SPAG16: variants seen among roughly 807,000 people sequenced by gnomAD.
SPAG16 encodes sperm associated antigen 16.
A neutral mutation model predicts 80.4 loss-of-function variants in SPAG16; 86 were observed. The observed-to-expected ratio is 1.07, with a 90% confidence interval of 0.90 to 1.28. The LOEUF is 1.28. SPAG16 is among the 50% of genes most tolerant of loss of function. The pLI is 0.00. For synonymous variants in SPAG16, 294 were observed against 265.9 expected (o/e 1.11, Z -1.03); for missense variants, 870 against 765.3 (o/e 1.14, Z -1.61).
intron 11 of SPAG16, among the ~76,000 whole-genome samples, chr2:213,899,946 G>A (rs1009751460): frequency 1.3e-5 from 2 of 152,072 alleles, no homozygotes; most frequent in African/African-American, 4.8e-5. Context: ...TCCTTGTCTT[G>A]ATGCAGCTTT....
At chr2:213,348,096 A>T (rs942918831) in intron 6 of SPAG16, among the ~76,000 whole-genome samples, 2 of 152,162 alleles carry the variant, frequency 1.3e-5, no homozygotes, top group Non-Finnish European at 2.9e-5. Flanking sequence ...TATATTTAGG[A>T]TAGTTAGCTC....
At chr2:214,182,243 G>GTTATCAGT (rs1423212269) in intron 15 of SPAG16, among the ~76,000 whole-genome samples, 1 of 151,544 alleles carries the variant, frequency 6.6e-6, no homozygotes, top group Non-Finnish European at 1.5e-5. Context: ...AAGCTCTGTT[G>GTTATCAGT]TTATCAGTTT....
intron 9 of SPAG16, among the ~76,000 whole-genome samples, chr2:213,404,999 C>T (rs1392391964): frequency 2.0e-5 from 3 of 152,096 alleles, no homozygotes; most frequent in African/African-American, 7.2e-5. Context: ...GGCAACATAC[C>T]CCAACAGTAA....
intron 10 of SPAG16, among the ~76,000 whole-genome samples, chr2:213,690,090 G>T (rs779889886): frequency 6.6e-6 from 1 of 151,744 alleles, no homozygotes; most frequent in East Asian, 1.9e-4. Context: ...AAAATTCTTC[G>T]ATCACAGTAG....
At chr2:213,660,615 C>T (rs545730153) in intron 10 of SPAG16, among the ~76,000 whole-genome samples, 1 of 152,228 alleles carries the variant, frequency 6.6e-6, no homozygotes, top group South Asian at 2.1e-4. Context: ...AATCTAAGTC[C>T]AGGGCATAAA....
At chr2:213,852,977 A>G (rs2074980616) in intron 10 of SPAG16, among the ~76,000 whole-genome samples, 1 of 152,196 alleles carries the variant, frequency 6.6e-6, no homozygotes, top group South Asian at 2.1e-4. Flanking sequence ...CTTTTTATGT[A>G]TTTGTTCTGG....
At chr2:213,832,828 G>A (rs950922885) in intron 10 of SPAG16, among the ~76,000 whole-genome samples, 13 of 152,062 alleles carry the variant, frequency 8.5e-5, no homozygotes, top group South Asian at 2.1e-4. Flanking sequence ...GTAAATCTTC[G>A]ATTAAATAAA....
At chr2:213,287,491 A>G (rs778493393) in intron 1 of SPAG16, among the ~76,000 whole-genome samples, 1 of 152,242 alleles carries the variant, frequency 6.6e-6, no homozygotes, top group African/African-American at 2.4e-5. Flanking sequence ...TAGTAAATGA[A>G]TACATGGACC....
chr2:214,112,520 G>T (rs2125420378), intron 14 of SPAG16, among the ~76,000 whole-genome samples: 1 of 152,204 alleles, frequency 6.6e-6, no homozygotes, highest in East Asian at 1.9e-4. Context: ...ATATATTTAG[G>T]ATAGTTAGCT....
intron 15 of SPAG16, among the ~76,000 whole-genome samples, chr2:214,208,410 A>G (rs1444300176): frequency 2.6e-5 from 4 of 152,180 alleles, no homozygotes; most frequent in Non-Finnish European, 5.9e-5. Context: ...TACTTCTAGT[A>G]GTATGGAGAA....
chr2:214,319,675 A>G (rs1695965064), intron 15 of SPAG16, among the ~76,000 whole-genome samples: 1 of 152,154 alleles, frequency 6.6e-6, no homozygotes, highest in African/African-American at 2.4e-5. Context: ...CCTGACCACA[A>G]TATTTTCTTG....
chr2:214,116,993 C>G (rs1189401889), intron 14 of SPAG16, among the ~76,000 whole-genome samples: 1 of 152,022 alleles, frequency 6.6e-6, no homozygotes, highest in Non-Finnish European at 1.5e-5. Flanking sequence ...GAAATGTTAC[C>G]TTACCAAAGA....
chr2:213,707,434 A>G (rs1392555048), intron 10 of SPAG16, among the ~76,000 whole-genome samples: 1 of 152,166 alleles, frequency 6.6e-6, no homozygotes, highest in Admixed American at 6.5e-5. Context: ...CTCTTTCTCA[A>G]AAGTTTCCAT....
chr2:213,448,349 T>G (rs1253661683), intron 9 of SPAG16, among the ~76,000 whole-genome samples: 1 of 152,220 alleles, frequency 6.6e-6, no homozygotes, highest in Non-Finnish European at 1.5e-5. Context: ...GAAACAAATT[T>G]TTGAAGCCTC....
chr2:213,719,425 C>T (rs111430223), intron 10 of SPAG16, among the ~76,000 whole-genome samples: 33 of 151,728 alleles, frequency 2.2e-4, no homozygotes, highest in Non-Finnish European at 3.8e-4. Context: ...ACCTGTGTGT[C>T]GAATCTCTGT....
intron 12 of SPAG16, among the ~76,000 whole-genome samples, chr2:213,959,487 A>G (rs756440015): frequency 6.6e-6 from 1 of 152,202 alleles, no homozygotes; most frequent in Non-Finnish European, 1.5e-5. Flanking sequence ...AACACACCTC[A>G]TAGTTGGTTA....
chr2:213,983,241 A>G (rs1575728889), intron 12 of SPAG16, among the ~76,000 whole-genome samples: 2 of 152,090 alleles, frequency 1.3e-5, no homozygotes, highest in South Asian at 2.1e-4. Context: ...TATACCAATC[A>G]TTTTCAGGTC....
chr2:214,002,742 A>G (rs1406783133), intron 12 of SPAG16, among the ~76,000 whole-genome samples: 1 of 152,180 alleles, frequency 6.6e-6, no homozygotes, highest in Non-Finnish European at 1.5e-5. Flanking sequence ...GATGTCCCAG[A>G]TTGAGCAAAG....
intron 12 of SPAG16, among the ~76,000 whole-genome samples, chr2:213,957,452 A>AT (rs2044204923): frequency 7.0e-6 from 1 of 141,932 alleles, no homozygotes; most frequent in Non-Finnish European, 1.6e-5. Flanking sequence ...ATTTGCATGA[A>AT]CTTTTTTTTT....
Sources: allele counts gnomAD v4.1 joint callset (sites outside exome capture counted in the v4.1 genomes callset), GRCh38; gene constraint gnomAD v4.1.1; transcripts MANE v1.5; gene names NCBI Gene and HGNC (gene_info 2026-07-23, HGNC 2026-07-21).